CNGB1: variants seen among roughly 807,000 people sequenced by gnomAD.
CNGB1 encodes cyclic nucleotide-gated channel beta-1.
In CNGB1, 126 loss-of-function variants were observed where a neutral mutation model predicts 151.7. That is an observed-to-expected ratio of 0.83 (90% CI 0.72 to 0.96). The LOEUF is 0.96. Among genes scored for constraint, CNGB1 ranks in the 40% least tolerant of loss-of-function variants. CNGB1 has a pLI of 0.00. For missense variants in CNGB1, 1,698 were observed against 1,627.0 expected (o/e 1.04, Z -0.75); for synonymous variants, 623 against 635.1 (o/e 0.98, Z 0.29).
rs762093416 is a variant in CNGB1 at position 57,895,798 on chromosome 16, T to C, written c.3242+1599A>G. ...GCATCTGGTTGTGGCTTACTGCTCC[T>C]TGAGTAAGCAAGGAAGTGCTAAAAT... On this transcript the variant is annotated intron_variant, in intron 31 of 32. Transcript: ENST00000251102. Among the ~76,000 whole-genome samples the C allele has an allele frequency of 2.0e-5, 3 of 152,128 alleles. 1 individual carries two copies. In the South Asian group the frequency reaches 6.2e-4, roughly 32 times the overall value.
rs555422411 is a variant in CNGB1 at position 57,922,413 on chromosome 16, CTCTT to C, written c.1643+856_1643+859del. On this transcript the variant is annotated intron_variant, in intron 18 of 32. Coordinates refer to ENST00000251102, the MANE Select transcript of CNGB1 (RefSeq NM_001297.5). ...AATGCCATCACAGTGGTTTCTTTCTCTCTTTCTTTCTTTCTTTCTTTTTTTTTTT... is the reference window on the plus strand; with the variant it reads ...AATGCCATCACAGTGGTTTCTTTCTCTCTTTCTTTCTTTCTTTTTTTTTTT... Among the ~76,000 whole-genome samples, 1,373 of 143,734 alleles carry C rather than the reference CTCTT, an allele frequency of 9.6e-3. 53 individuals carry two copies. Among genetic ancestry groups the C allele is most frequent in the African/African-American group, 0.031 (1,153 of 37,402 alleles). The allele number at this position is 143,734 out of a possible 152,430, so 94.3% of individuals were successfully genotyped here.
At chr16:57,912,226 G>A (rs762167375) in intron 24 of CNGB1, among the ~76,000 whole-genome samples, 15 of 152,168 alleles carry the variant, frequency 9.9e-5, no homozygotes, top group Non-Finnish European at 4.4e-5. Flanking sequence ...TCCCTAGCAC[G>A]GCCTGGCTGG....
rs191274716 is a variant in CNGB1 at position 57,916,220 on chromosome 16, C to T, written c.2167-41G>A. On this transcript the variant is annotated intron_variant, in intron 21 of 32. Transcript: ENST00000251102. ...TGATGATGGTGAAATGACCTTACAG[C>T]TTAATCTCTGACCCTGTGGAGCAAT... The T allele has an allele frequency of 3.1e-4, 488 of 1,585,468 alleles. No homozygotes were observed. The African/African-American group carries it at 6.0e-3, about 19-fold the overall frequency.
chr16:57,958,485 C>G lies in CNGB1; in HGVS notation c.762G>C (p.Arg254Ser). Reference sequence around the variant, plus strand: ...GCCTGTGCAGGACCCATGCCACCAGCCTGCAGGTGGGAGAGAGTGTGCGGT... The same window carrying G: ...GCCTGTGCAGGACCCATGCCACCAGGCTGCAGGTGGGAGAGAGTGTGCGGT... ...SSLPPTRDPA[R>S]LVAWVLHRLE... is the part of the protein sequence containing the mutation. The change falls in exon 11 of 33, where the codon AGG becomes AGC. Residue 254 changes from arginine (R) to serine (S), a missense_variant and splice_region_variant. Coordinates refer to ENST00000251102, the MANE Select transcript of CNGB1 (RefSeq NM_001297.5). 2 of 1,613,996 alleles carry G rather than the reference C, an allele frequency of 1.2e-6. No individual in the cohort carries two copies. Among genetic ancestry groups the G allele is most frequent in the East Asian group, 2.2e-5 (1 of 44,870 alleles).
Position 57,904,757 on chromosome 16 carries a change from C to T in CNGB1, c.2611G>A (p.Ala871Thr), listed in dbSNP as rs933810260. The change falls in exon 26 of 33, where the codon GCT (alanine) becomes ACT (threonine). Residue 871 changes from alanine to threonine, a missense_variant. Physicochemically the swap from Ala to Thr is moderately conservative, Grantham distance 58. Coordinates refer to ENST00000251102, the MANE Select transcript of CNGB1 (RefSeq NM_001297.5). ...QLLNYFTGVF[A>T]FSVMIGQMRD... ...ACCTGTCCGATCATCACAGAGAAAG[C>T]AAAGACGCCCGTGAAATAATTCAGC... 1 of 1,614,038 alleles carries T rather than the reference C, an allele frequency of 6.2e-7. No homozygotes were observed. The highest frequency in any genetic ancestry group is 8.5e-7 in the Non-Finnish European group (1 of 1,180,048).
At chr16:57,942,909 T>G (rs1404884688) in intron 14 of CNGB1, among the ~76,000 whole-genome samples, 1 of 149,792 alleles carries the variant, frequency 6.7e-6, no homozygotes, top group Non-Finnish European at 1.5e-5. Flanking sequence ...ACTACTTAAA[T>G]GTAAAATCTG....
At chr16:57,967,075 G>A in intron 2 of CNGB1, 53 bp downstream of exon 2, 18 of 1,612,982 alleles carry the variant, frequency 1.1e-5, no homozygotes, top group Admixed American at 1.7e-5. Flanking sequence ...CCCAAACTGG[G>A]AAGACCCTGA....
At chr16:57,964,606 C>T in intron 2 of CNGB1, 62 bp from the exon 3 acceptor site, 1 of 1,532,968 alleles carries the variant, frequency 6.5e-7, no homozygotes, top group Non-Finnish European at 9.0e-7. Flanking sequence ...TGGACAGGGG[C>T]AGCCTGATTC....
intron 1 of CNGB1, 52 bp from the exon 2 acceptor site, chr16:57,967,346 G>C: frequency 6.4e-7 from 1 of 1,553,784 alleles, no homozygotes; most frequent in South Asian, 1.1e-5. Flanking sequence ...AGTAGCTCCC[G>C]CCACTTATGG....
At chr16:57,925,700 T>C (rs369790417) in intron 17 of CNGB1, among the ~76,000 whole-genome samples, 37 of 151,914 alleles carry the variant, frequency 2.4e-4, no homozygotes, top group African/African-American at 9.0e-4. Context: ...TTACTTTTTT[T>C]TTTTTGAGAT....
chr16:57,942,459 GAAAC>G (rs1416703658), intron 14 of CNGB1, among the ~76,000 whole-genome samples: 2 of 152,172 alleles, frequency 1.3e-5, no homozygotes, highest in East Asian at 3.9e-4. Flanking sequence ...AAAAAGAAAT[GAAAC>G]AACCCAATTT....
chr16:57,941,490 C>T (rs779709651), intron 14 of CNGB1, among the ~76,000 whole-genome samples: 2 of 152,234 alleles, frequency 1.3e-5, no homozygotes, highest in Non-Finnish European at 2.9e-5. Flanking sequence ...CACATTGCCA[C>T]AGCGGCTCCT....
At chr16:57,923,220 C>T in intron 18 of CNGB1, 53 bp downstream of exon 18, 3 of 1,092,446 alleles carry the variant, frequency 2.7e-6, no homozygotes, top group Non-Finnish European at 4.1e-6. Context: ...CCCCCCACAT[C>T]CCCCACCCTC....
At chr16:57,962,731 A>C (rs998216320) in intron 6 of CNGB1, 111 bp downstream of exon 6, 1 of 1,569,268 alleles carries the variant, frequency 6.4e-7, no homozygotes, top group African/African-American at 1.4e-5. Context: ...AGGGTCAGTC[A>C]GGTGAGAAGA....
chr16:57,905,028 G>T (rs891959410), intron 25 of CNGB1, among the ~76,000 whole-genome samples, 153 bp from the exon 26 acceptor site: 1 of 152,220 alleles, frequency 6.6e-6, no homozygotes, highest in African/African-American at 2.4e-5. Flanking sequence ...CCTCCTGCAC[G>T]TGTAGAGCAC....
chr16:57,892,806 C>G (rs1402366514), intron 31 of CNGB1, among the ~76,000 whole-genome samples: 1 of 152,214 alleles, frequency 6.6e-6, no homozygotes, highest in African/African-American at 2.4e-5. Context: ...CATCAGTCCC[C>G]CAGCTCACTC....
In CNGB1 at chr16:57,964,535, C is replaced by T. The variant is rs1173171736; in HGVS notation, c.169G>A (p.Glu57Lys). Residue 57 changes from glutamate to lysine, a missense_variant, in exon 3 of 33, where the codon GAG becomes AAG. Coordinates refer to ENST00000251102, the MANE Select transcript of CNGB1 (RefSeq NM_001297.5). ...GCCACTTCCTCCTCCTTGAATGACTCTTCGGGGGGCTAGAGGGTTCGAACA... is the reference window on the plus strand; with the variant it reads ...GCCACTTCCTCCTCCTTGAATGACTTTTCGGGGGGCTAGAGGGTTCGAACA... ...ETESESMPPEESFKEEEVAVA... is the reference protein window; with the variant it reads ...ETESESMPPEKSFKEEEVAVA... 1 of 1,614,134 alleles carries T rather than the reference C, an allele frequency of 6.2e-7. No homozygotes were observed. The highest frequency in any genetic ancestry group is 8.5e-7 in the Non-Finnish European group (1 of 1,180,022).
In CNGB1 at chr16:57,949,104, C is replaced by A. The variant is rs1284350864; in HGVS notation, c.1121+249G>T. On this transcript the variant is annotated intron_variant, in intron 14 of 32. Coordinates refer to ENST00000251102, the MANE Select transcript of CNGB1 (RefSeq NM_001297.5). ...TGAAAGCAACAGATAAAAGCCCCAG[C>A]CCTCTTGGAGGCTGCATTCTAGTGT... 3.9e-5 allele frequency among the ~76,000 whole-genome samples: 6 copies of A among 152,080 alleles called. 1 individual carries two copies. In the South Asian group the frequency reaches 8.3e-4, roughly 21 times the overall value.
Position 57,916,138 on chromosome 16 carries a change from GCGA to G in CNGB1, c.2205_2207del (p.Arg737del). 6.2e-7 allele frequency: 1 copy of G among 1,614,062 alleles called. No individual in the cohort carries two copies. Among genetic ancestry groups the G allele is most frequent in the South Asian group, 1.1e-5 (1 of 91,080 alleles). On this transcript the variant is annotated inframe_deletion, in exon 22 of 33. Coordinates refer to ENST00000251102, the MANE Select transcript of CNGB1 (RefSeq NM_001297.5). ...CATGCCCGGCACACACCTTGAAGCG[GCGA>G]GACTTCAGGTAGTTATTTCGCATGT...
Sources: gnomAD v4.1 joint callset for allele counts (sites outside exome capture counted in the v4.1 genomes callset) on GRCh38, gnomAD v4.1.1 for gene constraint, MANE v1.5 for transcripts, NCBI Gene and HGNC (gene_info 2026-07-23, HGNC 2026-07-21) for gene names.